MEGF10: variants seen among roughly 807,000 people sequenced by gnomAD.
MEGF10 encodes multiple EGF like domains 10.
A neutral mutation model predicts 147.5 loss-of-function variants in MEGF10; 86 were observed. That is an observed-to-expected ratio of 0.58 (90% CI 0.49 to 0.70). The LOEUF is 0.70. MEGF10 is among the 30% of genes least tolerant of loss of function. The pLI is 0.00. For synonymous variants in MEGF10, 478 were observed against 525.5 expected, an observed-to-expected ratio of 0.91 and a Z score of 1.24; for missense variants, 1,329 against 1,487.3, an observed-to-expected ratio of 0.89 and a Z score of 1.75.
At chr5:127,434,906 G>C in intron 15 of MEGF10, 85 bp downstream of exon 15, 1 of 1,494,532 alleles carries the variant, frequency 6.7e-7, no homozygotes, top group South Asian at 1.3e-5. Context: ...TGGCCTTCCT[G>C]AAGGCCATGT....
chr5:127,351,704 C>T (rs530452610), intron 4 of MEGF10, among the ~76,000 whole-genome samples: 6 of 152,138 alleles, frequency 3.9e-5, no homozygotes, highest in Non-Finnish European at 7.4e-5. Context: ...CATGCTCTCG[C>T]CAAGCTACAA....
the MEGF10 span, among the ~76,000 whole-genome samples, chr5:127,240,543 A>G: frequency 5.9e-5 from 9 of 152,166 alleles, no homozygotes; most frequent in African/African-American, 1.9e-4. Context: ...AGGACAGGTG[A>G]TTGTCTCCTG....
In MEGF10 at chr5:127,449,226, A is replaced by G. The variant is rs1427792258; in HGVS notation, c.2980+4A>G. On this transcript the variant is annotated splice_donor_region_variant and intron_variant, in intron 22 of 24. Coordinates refer to ENST00000503335, the MANE Select transcript of MEGF10 (RefSeq NM_001256545.2). Reference sequence around the variant, plus strand: ...GGCGGCTACCTCAACGAGCTCGGTGAGTTCTCCCAACGCACGTCCCCAGAA... The same window carrying G: ...GGCGGCTACCTCAACGAGCTCGGTGGGTTCTCCCAACGCACGTCCCCAGAA... The G allele has an allele frequency of 6.2e-7, 1 of 1,613,386 alleles. No individual in the cohort carries two copies.
intron 5 of MEGF10, among the ~76,000 whole-genome samples, chr5:127,392,250 A>T (rs1169429845): frequency 6.6e-6 from 1 of 152,164 alleles, no homozygotes; most frequent in African/African-American, 2.4e-5. Context: ...GCCATAGTAC[A>T]ATAGCAGAGA....
intron 1 of MEGF10, among the ~76,000 whole-genome samples, chr5:127,320,128 C>T (rs938351761): frequency 1.6e-4 from 25 of 152,188 alleles, no homozygotes; most frequent in Admixed American, 4.6e-4. Flanking sequence ...TATAAGTTTG[C>T]TTGCCATGAA....
rs551670447 is a variant in MEGF10, at chr5:127,393,909, A to G, written c.413-2623A>G. Reference sequence around the variant, plus strand: ...AGATAAGTTGTTGAATGAGGTGTAGAACAGGGTTGTGAAGAAGAGGAAAAA... The same window carrying G: ...AGATAAGTTGTTGAATGAGGTGTAGGACAGGGTTGTGAAGAAGAGGAAAAA... On this transcript the variant is annotated intron_variant, in intron 5 of 24. Transcript: ENST00000503335. Among the ~76,000 whole-genome samples, 33 of 151,930 alleles carry G rather than the reference A, an allele frequency of 2.2e-4. 1 individual carries two copies. Among genetic ancestry groups the G allele is most frequent in the African/African-American group, 7.5e-4 (31 of 41,442 alleles).
chr5:127,455,363 A>G, intron 23 of MEGF10, 38 bp from the exon 24 acceptor site: 1 of 1,530,536 alleles, frequency 6.5e-7, no homozygotes, highest in Non-Finnish European at 9.0e-7. Flanking sequence ...GTTGCCAGTG[A>G]CACAGCATTA....
rs1766389511 is a variant in MEGF10 at position 127,457,127 on chromosome 5, G to C, written c.3233-1G>C. The C allele has an allele frequency of 6.2e-7, 1 of 1,606,904 alleles. No homozygotes were observed. Among genetic ancestry groups the C allele is most frequent in the African/African-American group, 1.3e-5 (1 of 74,726 alleles). ...AATTAATATGTCCTTGGTTATCACAGAACCTACAGTGAGTGTTGTCCAAGG... is the reference window on the plus strand; with the variant it reads ...AATTAATATGTCCTTGGTTATCACACAACCTACAGTGAGTGTTGTCCAAGG... On this transcript the variant is annotated splice_acceptor_variant, in intron 24 of 24. Coordinates refer to ENST00000503335, the MANE Select transcript of MEGF10 (RefSeq NM_001256545.2). LOFTEE classifies it high-confidence loss of function.
intron 14 of MEGF10, 76 bp from the exon 15 acceptor site, chr5:127,434,609 CTT>C (rs1765494586): frequency 4.8e-6 from 7 of 1,462,290 alleles, no homozygotes; most frequent in Non-Finnish European, 6.4e-6. Context: ...ACCTCTAAAA[CTT>C]TAACTAGATC....
chr5:127,336,652 C>T (rs1211823627), intron 2 of MEGF10, among the ~76,000 whole-genome samples: 1 of 152,044 alleles, frequency 6.6e-6, no homozygotes, highest in Non-Finnish European at 1.5e-5. Context: ...TTTTGCACTC[C>T]AAGGCACACG....
At chr5:127,370,810 T>C (rs905937038) in intron 5 of MEGF10, among the ~76,000 whole-genome samples, 1 of 152,308 alleles carries the variant, frequency 6.6e-6, no homozygotes, top group South Asian at 2.1e-4. Flanking sequence ...ATACTTCTTT[T>C]TTCGCCTTGA....
At chr5:127,311,437 A>C (rs1760282508) in intron 1 of MEGF10, among the ~76,000 whole-genome samples, 1 of 152,174 alleles carries the variant, frequency 6.6e-6, no homozygotes. Flanking sequence ...ACAGCTGTGG[A>C]CTTCTGAGCC....
chr5:127,243,683 A>G, the MEGF10 span, among the ~76,000 whole-genome samples: 4 of 152,178 alleles, frequency 2.6e-5, no homozygotes, highest in African/African-American at 9.6e-5. Context: ...TTTGTGTATC[A>G]TCATCAGAAA....
the MEGF10 span, among the ~76,000 whole-genome samples, chr5:127,261,245 C>T: frequency 6.6e-6 from 1 of 152,268 alleles, no homozygotes; most frequent in African/African-American, 2.4e-5. Flanking sequence ...CATCACCCCT[C>T]AATCCAAATC....
At chr5:127,414,260 C>T (rs918875611) in intron 9 of MEGF10, among the ~76,000 whole-genome samples, 28 of 152,250 alleles carry the variant, frequency 1.8e-4, no homozygotes, top group Admixed American at 1.1e-3. Context: ...GGTATAAAAG[C>T]AAACCTGGGT....
chr5:127,391,462 G>A (rs749463482), intron 5 of MEGF10, among the ~76,000 whole-genome samples: 5 of 151,492 alleles, frequency 3.3e-5, no homozygotes, highest in South Asian at 2.1e-4. Context: ...CTATAGTCCC[G>A]GCTACTCAGG....
chr5:127,291,580 G>T (rs996357427), intron 1 of MEGF10, among the ~76,000 whole-genome samples: 1 of 152,152 alleles, frequency 6.6e-6, no homozygotes, highest in South Asian at 2.1e-4. Context: ...AGTTCTCAGC[G>T]ATCAGTAGGG....
chr5:127,426,116 T>C (rs966950586), intron 13 of MEGF10, among the ~76,000 whole-genome samples: 1 of 152,274 alleles, frequency 6.6e-6, no homozygotes, highest in African/African-American at 2.4e-5. Flanking sequence ...TACAAAGGAA[T>C]TGACATGACT....
chr5:127,320,327 G>A (rs1436752157), intron 1 of MEGF10, among the ~76,000 whole-genome samples: 1 of 152,158 alleles, frequency 6.6e-6, no homozygotes, highest in African/African-American at 2.4e-5. Context: ...GAGACACAGG[G>A]AAATTAGAAG....
Sources: gnomAD v4.1 joint callset for allele counts (sites outside exome capture counted in the v4.1 genomes callset) on GRCh38, gnomAD v4.1.1 for gene constraint, MANE v1.5 for transcripts, NCBI Gene and HGNC (gene_info 2026-07-23, HGNC 2026-07-21) for gene names.